CRTAC1: variants seen among roughly 807,000 people sequenced by gnomAD.
The protein encoded by CRTAC1 is acidic secreted protein in cartilage.
CRTAC1 carries 37 observed loss-of-function variants against 67.8 expected under a neutral mutation model. The observed-to-expected ratio is 0.55, with a 90% CI of 0.42 to 0.72. CRTAC1 has a LOEUF of 0.72. Among genes scored for constraint, CRTAC1 ranks in the 30% least tolerant of loss-of-function variants. CRTAC1 has a pLI of 0.00. For missense variants in CRTAC1, 780 were observed against 931.6 expected (o/e 0.84, Z 2.12); for synonymous variants, 348 against 371.0 (o/e 0.94, Z 0.71).
chr10:97,974,307 C>T (rs868588340), intron 2 of CRTAC1, among the ~76,000 whole-genome samples: 7 of 152,106 alleles, frequency 4.6e-5, no homozygotes, highest in African/African-American at 1.4e-4. Context: ...CAGGCTCCCC[C>T]CCTGCTGCGT....
chr10:97,964,481 G>T (rs1011675357), intron 2 of CRTAC1, among the ~76,000 whole-genome samples: 1 of 152,118 alleles, frequency 6.6e-6, no homozygotes, highest in Admixed American at 6.5e-5. Flanking sequence ...GGTGGGGTGG[G>T]GCATCCCATA....
At chr10:97,980,442 G>A (rs2051874497) in intron 2 of CRTAC1, among the ~76,000 whole-genome samples, 1 of 152,212 alleles carries the variant, frequency 6.6e-6, no homozygotes. Flanking sequence ...CACTCCAAGA[G>A]TCCCATACCT....
intron 13 of CRTAC1, among the ~76,000 whole-genome samples, chr10:97,881,739 T>G (rs930640758): frequency 1.2e-4 from 18 of 151,858 alleles, no homozygotes; most frequent in Non-Finnish European, 1.9e-4. Context: ...GGGGAGTCAT[T>G]TCCTCCTCCA....
intron 5 of CRTAC1, among the ~76,000 whole-genome samples, chr10:97,908,654 A>G (rs1174126323): frequency 3.3e-5 from 5 of 152,352 alleles, no homozygotes; most frequent in East Asian, 1.9e-4. Flanking sequence ...TTGACGTTAA[A>G]CAATTACATC....
chr10:97,981,112 G>A (rs759138507), intron 2 of CRTAC1, among the ~76,000 whole-genome samples: 21 of 152,182 alleles, frequency 1.4e-4, no homozygotes, highest in African/African-American at 4.8e-4. Context: ...ACACATAATT[G>A]TTCCCCTTGT....
At chr10:97,927,686 T>C (rs2050941933) in intron 3 of CRTAC1, among the ~76,000 whole-genome samples, 1 of 152,224 alleles carries the variant, frequency 6.6e-6, no homozygotes, top group East Asian at 1.9e-4. Flanking sequence ...TTGTAGATCA[T>C]AAATGGGAAC....
chr10:97,995,769 A>T (rs939696492), intron 2 of CRTAC1, among the ~76,000 whole-genome samples: 8 of 152,198 alleles, frequency 5.3e-5, no homozygotes, highest in Admixed American at 2.6e-4. Context: ...AGGGTTACAG[A>T]ACCCTACATT....
At chr10:97,977,761 G>T (rs2051830776) in intron 2 of CRTAC1, among the ~76,000 whole-genome samples, 1 of 152,178 alleles carries the variant, frequency 6.6e-6, no homozygotes, top group Admixed American at 6.5e-5. Context: ...ACTGAAACTT[G>T]AAATAACTCA....
At chr10:97,949,626 C>T (rs1213579490) in intron 2 of CRTAC1, among the ~76,000 whole-genome samples, 1 of 152,172 alleles carries the variant, frequency 6.6e-6, no homozygotes, top group African/African-American at 2.4e-5. Flanking sequence ...GCGGAGAGAG[C>T]CCTGGACTTG....
intron 2 of CRTAC1, among the ~76,000 whole-genome samples, chr10:97,951,418 T>G (rs2051353360): frequency 6.6e-6 from 1 of 152,200 alleles, no homozygotes; most frequent in African/African-American, 2.4e-5. Context: ...CTTAAAAAAT[T>G]TATGTATAAA....
chr10:97,879,097 A>G (rs1268480714), intron 14 of CRTAC1, among the ~76,000 whole-genome samples: 1 of 152,188 alleles, frequency 6.6e-6, no homozygotes, highest in African/African-American at 2.4e-5. Flanking sequence ...GTTTGGCACT[A>G]ATATCTAGTA....
chr10:97,995,561 A>T (rs1842548682), intron 2 of CRTAC1, among the ~76,000 whole-genome samples: 1 of 152,182 alleles, frequency 6.6e-6, no homozygotes, highest in African/African-American at 2.4e-5. Flanking sequence ...ACCACTACAG[A>T]ACAAGTAGAT....
intron 2 of CRTAC1, among the ~76,000 whole-genome samples, chr10:97,948,518 G>A (rs2051299961): frequency 1.3e-5 from 2 of 152,192 alleles, no homozygotes; most frequent in South Asian, 2.1e-4. Context: ...GACTGTGCAT[G>A]TTTGTGAGCA....
intron 3 of CRTAC1, among the ~76,000 whole-genome samples, chr10:97,925,658 T>A (rs998012304): frequency 1.1e-5 from 1 of 89,776 alleles, no homozygotes; most frequent in African/African-American, 4.5e-5. Flanking sequence ...AGTGTGGGCA[T>A]GAGTCAGAGT....
At chr10:97,869,224 G>A (rs1300790651) in intron 14 of CRTAC1, 1 of 152,342 alleles carries the variant, frequency 6.6e-6, no homozygotes, top group Non-Finnish European at 1.5e-5. Context: ...AGGGCATCAC[G>A]GGAGGGTGCA....
At position 98,014,431 on chromosome 10, in the gene CRTAC1, G is replaced by A. The variant is rs539233802; in HGVS notation, c.25-3094C>T. Among the ~76,000 whole-genome samples the A allele has an allele frequency of 2.5e-3, 375 of 152,130 alleles. 2 individuals are homozygous for A. The highest frequency in any genetic ancestry group is 3.0e-3 in the Non-Finnish European group (202 of 67,990). ...TAGTTTCTTGGATAAGACAGCAAAA[G>A]CACAGGCAACAAAAGAAAAAATAGC... is the stretch of plus-strand genomic sequence containing the variant. On this transcript the variant is annotated intron_variant, in intron 1 of 14. Coordinates refer to ENST00000370597, the MANE Select transcript of CRTAC1 (RefSeq NM_018058.7).
intron 2 of CRTAC1, among the ~76,000 whole-genome samples, chr10:97,995,956 C>G (rs961179877): frequency 9.9e-5 from 15 of 152,072 alleles, no homozygotes; most frequent in Admixed American, 8.5e-4. Flanking sequence ...GTCAAGAGAT[C>G]AAGACCATCC....
chr10:97,952,743 G>T (rs1439887603), intron 2 of CRTAC1, among the ~76,000 whole-genome samples: 3 of 152,080 alleles, frequency 2.0e-5, no homozygotes, highest in African/African-American at 7.2e-5. Context: ...ATGGTGCTTT[G>T]AGTCTAGTAC....
chr10:97,896,010 C>G, intron 9 of CRTAC1, 25 bp from the exon 10 acceptor site: 5 of 1,603,348 alleles, frequency 3.1e-6, no homozygotes, highest in Non-Finnish European at 4.3e-6. Context: ...GATTTCACCT[C>G]TGGCCGTAAT....
Sources: allele counts gnomAD v4.1 joint callset (sites outside exome capture counted in the v4.1 genomes callset), GRCh38; gene constraint gnomAD v4.1.1; transcripts MANE v1.5; gene names NCBI Gene and HGNC (gene_info 2026-07-23, HGNC 2026-07-21).